TPD52L1: variants seen among roughly 807,000 people sequenced by gnomAD.
TPD52L1 encodes tumor protein D53.
A neutral mutation model predicts 28.7 loss-of-function variants in TPD52L1; 18 were observed. The ratio of observed to expected loss-of-function variants is 0.63; its 90% CI spans 0.43 to 0.93. The LOEUF is 0.93. Ranked by LOEUF, TPD52L1 falls within the 40% of genes least tolerant of loss-of-function variation. The pLI is 0.00. For synonymous variants in TPD52L1, 75 were observed against 88.8 expected (o/e 0.84, Z 0.88); for missense variants, 203 against 254.8 (o/e 0.80, Z 1.39).
intron 6 of TPD52L1, chr6:125,262,174 G>C (rs1453603865): frequency 2.6e-5 from 4 of 152,208 alleles, no homozygotes; most frequent in Non-Finnish European, 5.9e-5. Context: ...CCTCCTACCA[G>C]GTTCCTCCTT....
chr6:125,189,825 C>T (rs1487272490), intron 1 of TPD52L1, among the ~76,000 whole-genome samples: 1 of 152,064 alleles, frequency 6.6e-6, no homozygotes, highest in Non-Finnish European at 1.5e-5. Flanking sequence ...TAAATTGAGC[C>T]ACTTGTGTTT....
intron 6 of TPD52L1, 87 bp downstream of exon 6, chr6:125,257,245 G>T: frequency 9.1e-7 from 1 of 1,096,020 alleles, no homozygotes; most frequent in Non-Finnish European, 1.4e-6. Context: ...GTCGAGGCAG[G>T]GCCAAGAAGG....
chr6:125,156,113 G>C (rs1327710148), intron 1 of TPD52L1, among the ~76,000 whole-genome samples: 1 of 152,084 alleles, frequency 6.6e-6, no homozygotes, highest in African/African-American at 2.4e-5. Flanking sequence ...GAAACTTTAG[G>C]TGTAAAGAGG....
chr6:125,167,899 C>T (rs1040351458), intron 1 of TPD52L1, among the ~76,000 whole-genome samples: 2 of 151,270 alleles, frequency 1.3e-5, no homozygotes, highest in South Asian at 4.2e-4. Flanking sequence ...TAACAGTAAA[C>T]TATCATAAAA....
At chr6:125,191,162 G>T (rs944497208) in intron 1 of TPD52L1, among the ~76,000 whole-genome samples, 2 of 152,088 alleles carry the variant, frequency 1.3e-5, no homozygotes, top group African/African-American at 4.8e-5. Flanking sequence ...GCTGATCTTG[G>T]GTTTTCTTTT....
chr6:125,181,372 C>T (rs1582874444), intron 1 of TPD52L1, among the ~76,000 whole-genome samples: 2 of 152,180 alleles, frequency 1.3e-5, no homozygotes, highest in Non-Finnish European at 2.9e-5. Flanking sequence ...CCAGGATACA[C>T]AAAGAACTAA....
chr6:125,169,755 A>G (rs1791156059), intron 1 of TPD52L1, among the ~76,000 whole-genome samples: 3 of 152,034 alleles, frequency 2.0e-5, no homozygotes, highest in South Asian at 4.2e-4. Flanking sequence ...CCTTCACTCC[A>G]TTCTCAACAT....
chr6:125,259,392 T>A (rs1451269662), intron 6 of TPD52L1, among the ~76,000 whole-genome samples: 1 of 152,218 alleles, frequency 6.6e-6, no homozygotes, highest in Admixed American at 6.5e-5. Flanking sequence ...TTACACCAAA[T>A]TCTGTAGTTT....
intron 2 of TPD52L1, among the ~76,000 whole-genome samples, chr6:125,222,297 A>G (rs535247310): frequency 1.4e-4 from 22 of 152,266 alleles, no homozygotes; most frequent in South Asian, 1.0e-3. Flanking sequence ...CTCTGCCCCA[A>G]TTCTCCACAG....
chr6:125,187,253 C>T (rs1443114548), intron 1 of TPD52L1, among the ~76,000 whole-genome samples: 1 of 152,160 alleles, frequency 6.6e-6, no homozygotes, highest in African/African-American at 2.4e-5. Flanking sequence ...TGCTATATCC[C>T]TTGGACAGGC....
At chr6:125,162,928 A>G (rs1454209005) in intron 1 of TPD52L1, among the ~76,000 whole-genome samples, 1 of 152,244 alleles carries the variant, frequency 6.6e-6, no homozygotes, top group Non-Finnish European at 1.5e-5. Context: ...CTCATTTTAT[A>G]AACAGGGAAC....
At chr6:125,158,363 C>T (rs566399) in intron 1 of TPD52L1, among the ~76,000 whole-genome samples, 61,641 of 152,010 alleles carry the variant, frequency 0.41, 14,084 homozygotes, top group African/African-American at 0.63. Context: ...TGTCATTATA[C>T]TTTACATTAT....
At chr6:125,230,624 C>A (rs969925628) in intron 3 of TPD52L1, among the ~76,000 whole-genome samples, 10 of 152,122 alleles carry the variant, frequency 6.6e-5, no homozygotes, top group Non-Finnish European at 1.3e-4. Context: ...AGATGTAAGC[C>A]TTTTTGCTCC....
chr6:125,218,294 C>T (rs984634911), intron 1 of TPD52L1, among the ~76,000 whole-genome samples: 4 of 152,152 alleles, frequency 2.6e-5, no homozygotes, highest in East Asian at 3.9e-4. Context: ...ATCTACTGAG[C>T]GTGAACTAAT....
At chr6:125,196,477 C>T (rs150425168) in intron 1 of TPD52L1, among the ~76,000 whole-genome samples, 47 of 152,340 alleles carry the variant, frequency 3.1e-4, no homozygotes, top group African/African-American at 1.1e-3. Context: ...TGTCGTGGCT[C>T]CTGTCTCAAC....
chr6:125,257,234 A>G (rs1797661141), intron 6 of TPD52L1, 76 bp downstream of exon 6: 2 of 1,323,508 alleles, frequency 1.5e-6, no homozygotes, highest in Non-Finnish European at 1.1e-6. Context: ...GTTAGTTTAA[A>G]GTCGAGGCAG....
intron 3 of TPD52L1, chr6:125,231,210 G>A (rs913143112): frequency 1.3e-5 from 2 of 152,152 alleles, no homozygotes; most frequent in Non-Finnish European, 2.9e-5. Context: ...AGACCTTCCT[G>A]CATGGCCTTC....
rs200279590 is a variant in TPD52L1, at chr6:125,241,272, T to C, written c.285-7010T>C. ...TTTGTGTCTATGTTCATCAGGGATA[T>C]GTTTTCTTTTCTTGTTATGTCCTTT... On this transcript the variant is annotated intron_variant, in intron 3 of 6. Coordinates refer to ENST00000534000, the MANE Select transcript of TPD52L1 (RefSeq NM_003287.4). Among the ~76,000 whole-genome samples the C allele has an allele frequency of 3.3e-5, 5 of 151,742 alleles. No homozygotes were observed. The East Asian group carries it at 9.6e-4, about 29-fold the overall frequency.
intron 5 of TPD52L1, 191 bp downstream of exon 5, chr6:125,253,946 A>G (rs1797434460): frequency 3.9e-6 from 3 of 760,630 alleles, no homozygotes; most frequent in African/African-American, 3.4e-5. Context: ...CCTGGCTTAA[A>G]TCTAGTCTTT....
Sources: allele counts gnomAD v4.1 joint callset (sites outside exome capture counted in the v4.1 genomes callset), GRCh38; gene constraint gnomAD v4.1.1; transcripts MANE v1.5; gene names NCBI Gene and HGNC (gene_info 2026-07-23, HGNC 2026-07-21).